DNM3: variants seen among roughly 807,000 people sequenced by gnomAD.
The protein encoded by DNM3 is dynamin 3, also known as dynamin-3.
In DNM3, 47 loss-of-function variants were observed where a neutral mutation model predicts 101.6. The observed-to-expected ratio is 0.46, with a 90% CI of 0.37 to 0.59. DNM3 has a LOEUF of 0.59. Among genes scored for constraint, DNM3 ranks in the 20% least tolerant of loss-of-function variants. The pLI is 0.00. For synonymous variants in DNM3, 385 were observed against 387.9 expected, an observed-to-expected ratio of 0.99 and a Z score of 0.09; for missense variants, 849 against 1,085.7, an observed-to-expected ratio of 0.78 and a Z score of 3.06.
chr1:172,392,477 G>T (rs2069608178), intron 20 of DNM3, among the ~76,000 whole-genome samples: 1 of 152,082 alleles, frequency 6.6e-6, no homozygotes, highest in African/African-American at 2.4e-5. Context: ...CACCTCTTTA[G>T]GGTTCCTATT....
intron 1 of DNM3, among the ~76,000 whole-genome samples, chr1:171,894,025 T>A (rs1389928815): frequency 6.6e-6 from 1 of 152,102 alleles, no homozygotes; most frequent in Non-Finnish European, 1.5e-5. Flanking sequence ...GATTTCACCA[T>A]GTCGGCCAGG....
chr1:172,250,431 T>C (rs2062124763), intron 14 of DNM3, among the ~76,000 whole-genome samples: 1 of 152,194 alleles, frequency 6.6e-6, no homozygotes, highest in South Asian at 2.1e-4. Flanking sequence ...AAGAGGTTAG[T>C]GGATTTTCTT....
chr1:171,855,946 C>T (rs951037840), intron 1 of DNM3, among the ~76,000 whole-genome samples: 4 of 152,100 alleles, frequency 2.6e-5, no homozygotes, highest in African/African-American at 7.2e-5. Flanking sequence ...CTGCCCATTC[C>T]TACGTCTCAG....
At chr1:171,939,633 T>A (rs187200106) in intron 2 of DNM3, among the ~76,000 whole-genome samples, 2 of 152,294 alleles carry the variant, frequency 1.3e-5, no homozygotes. Context: ...AAAAAATAGG[T>A]TGTCTTGAAA....
chr1:172,409,437 T>C lies in DNM3; in HGVS notation c.*1596T>C, dbSNP rs1277755657. 1.0e-6 allele frequency: 1 copy of C among 984,458 alleles called. No individual in the cohort carries two copies. Among genetic ancestry groups the C allele is most frequent in the African/African-American group, 1.7e-5 (1 of 57,208 alleles). 61.0% of individuals were successfully genotyped at this position (984,458 alleles called of 1,614,324 possible). On this transcript the variant is annotated 3_prime_UTR_variant, in exon 21 of 21. Coordinates refer to ENST00000627582, the MANE Select transcript of DNM3 (RefSeq NM_015569.5). Reference sequence around the variant, plus strand: ...ATGTTGAGTGCCATTGTATTGAACTTATTCTAAAGGCTTATGCTAACCCAT... The same window carrying C: ...ATGTTGAGTGCCATTGTATTGAACTCATTCTAAAGGCTTATGCTAACCCAT...
intron 1 of DNM3, among the ~76,000 whole-genome samples, chr1:171,873,318 A>G (rs945386334): frequency 6.6e-6 from 1 of 152,102 alleles, no homozygotes; most frequent in African/African-American, 2.4e-5. Context: ...AAATATTACT[A>G]TTATTTAAAA....
At chr1:172,322,570 G>A (rs2065768035) in intron 16 of DNM3, among the ~76,000 whole-genome samples, 1 of 152,202 alleles carries the variant, frequency 6.6e-6, no homozygotes, top group South Asian at 2.1e-4. Context: ...GCGGTTCTGT[G>A]TCTTTACCCA....
At chr1:172,253,532 CT>C (rs2062271383) in intron 14 of DNM3, 40 bp from the exon 15 acceptor site, 1 of 860,010 alleles carries the variant, frequency 1.2e-6, no homozygotes, top group African/African-American at 2.1e-5. Flanking sequence ...CTCCTCTCCT[CT>C]CCTCTCCTCT....
At chr1:172,304,097 G>A (rs879906017) in intron 15 of DNM3, among the ~76,000 whole-genome samples, 5 of 150,706 alleles carry the variant, frequency 3.3e-5, no homozygotes, top group Non-Finnish European at 5.9e-5. Flanking sequence ...ATTGGATAAA[G>A]AATCAAGACC....
At chr1:172,340,978 A>G (rs1375727800) in intron 17 of DNM3, among the ~76,000 whole-genome samples, 2 of 152,156 alleles carry the variant, frequency 1.3e-5, no homozygotes, top group South Asian at 2.1e-4. Flanking sequence ...TGTGCCATCA[A>G]TGCCTAGTAA....
Position 172,329,236 on chromosome 1 carries a change from G to C in DNM3, c.1893+5896G>C, listed in dbSNP as rs1039594948. The stretch of plus-strand genomic sequence containing the variant: ...TATAAAAAATAAGTGAGATTCAAAA[G>C]ATATATATGTGCATATTTAAAGGAT... On this transcript the variant is annotated intron_variant, in intron 17 of 20. Coordinates refer to ENST00000627582, the MANE Select transcript of DNM3 (RefSeq NM_015569.5). 2.0e-5 allele frequency among the ~76,000 whole-genome samples: 3 copies of C among 152,038 alleles called. No individual in the cohort carries two copies. In the East Asian group the frequency reaches 5.8e-4, roughly 29 times the overall value.
intron 14 of DNM3, among the ~76,000 whole-genome samples, chr1:172,185,549 C>T (rs2059492893): frequency 6.6e-6 from 1 of 152,034 alleles, no homozygotes; most frequent in Non-Finnish European, 1.5e-5. Flanking sequence ...GAGCCAAATT[C>T]CAAAGAGCCT....
intron 15 of DNM3, among the ~76,000 whole-genome samples, chr1:172,276,101 C>T (rs1222994804): frequency 6.6e-6 from 1 of 151,964 alleles, no homozygotes; most frequent in Non-Finnish European, 1.5e-5. Context: ...CAAGCCTCCC[C>T]CCATTTCCAG....
intron 4 of DNM3, among the ~76,000 whole-genome samples, chr1:171,995,069 C>T (rs1046830799): frequency 3.4e-5 from 5 of 146,062 alleles, no homozygotes; most frequent in Admixed American, 6.8e-5. Flanking sequence ...AAACACCATA[C>T]GGCTTGTTGT....
intron 2 of DNM3, among the ~76,000 whole-genome samples, chr1:171,933,172 G>A (rs1316204502): frequency 6.6e-6 from 1 of 152,136 alleles, no homozygotes; most frequent in African/African-American, 2.4e-5. Context: ...TGAAAACTGG[G>A]CTAATTTATT....
intron 2 of DNM3, among the ~76,000 whole-genome samples, chr1:171,972,578 A>G (rs1193909622): frequency 6.6e-6 from 1 of 152,194 alleles, no homozygotes; most frequent in East Asian, 1.9e-4. Flanking sequence ...GGCTTGGCGC[A>G]GTGGCTTATG....
At chr1:172,153,631 G>A (rs1011657059) in intron 14 of DNM3, among the ~76,000 whole-genome samples, 4 of 151,536 alleles carry the variant, frequency 2.6e-5, no homozygotes, top group South Asian at 2.1e-4. Context: ...GCCCCTATTC[G>A]TCCTGTTTCT....
Position 171,858,699 on chromosome 1 carries a change from A to G in DNM3, c.161+16882A>G, listed in dbSNP as rs562178102. Among the ~76,000 whole-genome samples, 418 of 152,264 alleles carry G rather than the reference A, an allele frequency of 2.7e-3. 1 individual carries two copies. The highest frequency in any genetic ancestry group is 3.5e-3 in the Non-Finnish European group (240 of 67,998). On this transcript the variant is annotated intron_variant, in intron 1 of 20. Coordinates refer to ENST00000627582, the MANE Select transcript of DNM3 (RefSeq NM_015569.5). Reference sequence around the variant, plus strand: ...TCATGCTCCTGATAAGCAGCCAGATATGGGAGCTATTAATCACCACTTCCA... The same window carrying G: ...TCATGCTCCTGATAAGCAGCCAGATGTGGGAGCTATTAATCACCACTTCCA...
chr1:172,032,361 C>G (rs775387711), intron 4 of DNM3, 41 bp from the exon 5 acceptor site: 23 of 1,457,026 alleles, frequency 1.6e-5, no homozygotes, highest in Non-Finnish European at 2.1e-5. Context: ...ATTTGTTAGT[C>G]TTCTGCAAAT....
Sources: gnomAD v4.1 joint callset for allele counts (sites outside exome capture counted in the v4.1 genomes callset) on GRCh38, gnomAD v4.1.1 for gene constraint, MANE v1.5 for transcripts, NCBI Gene and HGNC (gene_info 2026-07-23, HGNC 2026-07-21) for gene names.